The following ZNF365 variants were observed in gnomAD, a reference collection of about 807,000 sequenced individuals.
ZNF365 encodes the protein zinc finger protein 365.
A neutral mutation model predicts 35.0 loss-of-function variants in ZNF365; 22 were observed. The ratio of observed to expected loss-of-function variants is 0.63; its 90% CI spans 0.45 to 0.90. The LOEUF (loss-of-function observed/expected upper bound fraction) is 0.90, where lower values mean the gene tolerates loss of function less well. Ranked by LOEUF, ZNF365 falls within the 40% of genes least tolerant of loss-of-function variation. ZNF365 has a pLI of 0.00. For synonymous variants in ZNF365, 188 were observed against 196.2 expected (o/e 0.96, Z 0.35); for missense variants, 448 against 500.3 (o/e 0.90, Z 1.00).
chr10:62,455,637 A>C (rs1840750226), intron 3 of ZNF365, among the ~76,000 whole-genome samples: 1 of 152,000 alleles, frequency 6.6e-6, no homozygotes, highest in Admixed American at 6.5e-5. Context: ...TATTTAAACT[A>C]TGTGCATATG....
intron 4 of ZNF365, among the ~76,000 whole-genome samples, chr10:62,477,843 A>G (rs975167600): frequency 6.6e-6 from 1 of 152,220 alleles, no homozygotes; most frequent in Non-Finnish European, 1.5e-5. Flanking sequence ...TTCATTGGCC[A>G]AGGTACGTCA....
intron 3 of ZNF365, among the ~76,000 whole-genome samples, chr10:62,391,834 C>T (rs575060253): frequency 6.6e-6 from 1 of 152,330 alleles, no homozygotes; most frequent in South Asian, 2.1e-4. Context: ...CACTGTTTTC[C>T]ATAGTGGTTG....
chr10:62,453,778 C>T (rs1840721900), intron 3 of ZNF365, among the ~76,000 whole-genome samples: 1 of 151,986 alleles, frequency 6.6e-6, no homozygotes, highest in South Asian at 2.1e-4. Flanking sequence ...AGTATGTAGC[C>T]ATAAAGATGT....
intron 4 of ZNF365, among the ~76,000 whole-genome samples, chr10:62,477,314 A>G (rs997784866): frequency 7.9e-5 from 12 of 152,184 alleles, no homozygotes; most frequent in African/African-American, 2.9e-4. Flanking sequence ...TTGGAACACT[A>G]AAGATAAAAC....
At chr10:62,381,644 T>C (rs779917080) in intron 2 of ZNF365, among the ~76,000 whole-genome samples, 7 of 152,170 alleles carry the variant, frequency 4.6e-5, no homozygotes, top group Non-Finnish European at 8.8e-5. Context: ...ATCTGAGGTG[T>C]TGGGAGGCAG....
chr10:62,469,651 T>C (rs1841001304), intron 4 of ZNF365, among the ~76,000 whole-genome samples: 1 of 152,178 alleles, frequency 6.6e-6, no homozygotes, highest in East Asian at 1.9e-4. Context: ...CAACATATTG[T>C]TTTGTAAACT....
intron 3 of ZNF365, among the ~76,000 whole-genome samples, chr10:62,453,234 A>G (rs1840711287): frequency 6.6e-6 from 1 of 152,218 alleles, no homozygotes; most frequent in African/African-American, 2.4e-5. Context: ...CCATCACCAA[A>G]TAACGCACAT....
rs1589463696 is a variant in ZNF365, at chr10:62,456,105, T to A, written c.925-3636T>A. On this transcript the variant is annotated intron_variant, in intron 3 of 4. Transcript: ENST00000395255. The stretch of plus-strand genomic sequence containing the variant: ...TAGTACAGTAGCCACTAGCCACATG[T>A]AGCTAGCTGTTGAGCACTACAAATG... Among the ~76,000 whole-genome samples, 4 of 152,220 alleles carry A rather than the reference T, an allele frequency of 2.6e-5. No homozygotes were observed. The East Asian group carries it at 7.7e-4, about 29-fold the overall frequency.
intron 3 of ZNF365, among the ~76,000 whole-genome samples, chr10:62,445,877 A>G: frequency 6.6e-6 from 1 of 152,144 alleles, no homozygotes; most frequent in Non-Finnish European, 1.5e-5. Flanking sequence ...TGTGTAAACA[A>G]TTGGAACGAG....
At chr10:62,455,136 C>T (rs7903540) in intron 3 of ZNF365, among the ~76,000 whole-genome samples, 5,201 of 152,176 alleles carry the variant, frequency 0.034, 295 homozygotes, top group African/African-American at 0.11. Flanking sequence ...GACAGAAAAA[C>T]GCTGACAGGT....
chr10:62,403,197 A>T (rs10821991), downstream of ZNF365, among the ~76,000 whole-genome samples: 1 of 152,018 alleles, frequency 6.6e-6, no homozygotes, highest in Admixed American at 6.5e-5. Flanking sequence ...AGAAAAGGAC[A>T]TGTTAGTAAG....
At chr10:62,478,491 A>T (rs1425578022) in intron 4 of ZNF365, among the ~76,000 whole-genome samples, 3 of 152,184 alleles carry the variant, frequency 2.0e-5, no homozygotes, top group African/African-American at 7.2e-5. Flanking sequence ...ATAGAACATG[A>T]TCTCCTTGGG....
chr10:62,446,993 C>T (rs1336414745), intron 3 of ZNF365, among the ~76,000 whole-genome samples: 1 of 152,144 alleles, frequency 6.6e-6, no homozygotes, highest in African/African-American at 2.4e-5. Flanking sequence ...CTTCATTTAG[C>T]AAACCTGACC....
intron 4 of ZNF365, among the ~76,000 whole-genome samples, chr10:62,472,147 G>T (rs1841051995): frequency 6.6e-6 from 1 of 152,138 alleles, no homozygotes; most frequent in African/African-American, 2.4e-5. Context: ...TTTTCCAAGT[G>T]GTGCCCTTCA....
At position 62,438,303 on chromosome 10, in the gene ZNF365, C is replaced by T. The variant is rs149235411; in HGVS notation, c.925-21438C>T. 2.6e-3 allele frequency among the ~76,000 whole-genome samples: 397 copies of T among 152,056 alleles called. 1 individual carries two copies. Among genetic ancestry groups the T allele is most frequent in the African/African-American group, 9.1e-3 (379 of 41,464 alleles). On this transcript the variant is annotated intron_variant, in intron 3 of 4. Coordinates refer to the ZNF365 transcript ENST00000395255. ...TCCCAGGCTCAAGCGATTCTCGTGC[C>T]TCAGCCTCCCTGGTAGCTGGGATTA...
At position 62,399,813 on chromosome 10, in the gene ZNF365, T is replaced by C. The variant is rs41307502; in HGVS notation, c.*24T>C. 14,990 of 1,596,674 alleles carry C rather than the reference T, an allele frequency of 9.4e-3. 86 individuals are homozygous for C. Among genetic ancestry groups the C allele is most frequent in the Non-Finnish European group, 0.011 (12,464 of 1,169,740 alleles). On this transcript the variant is annotated 3_prime_UTR_variant, in exon 5 of 5. Coordinates refer to ENST00000395254, the MANE Select transcript of ZNF365 (RefSeq NM_014951.3). ...AAAAGGGTGGGTGGTGCTGGACCAA[T>C]CATCGCTGGGCTTTGGGGAACGTTG...
chr10:62,388,022 C>T (rs1216542617), intron 2 of ZNF365, among the ~76,000 whole-genome samples: 2 of 152,310 alleles, frequency 1.3e-5, no homozygotes, highest in South Asian at 4.1e-4. Flanking sequence ...TCCTAAACAC[C>T]TGCATGGCTT....
At chr10:62,374,773 G>A (rs1839286562) in intron 1 of ZNF365, among the ~76,000 whole-genome samples, 1 of 152,168 alleles carries the variant, frequency 6.6e-6, no homozygotes, top group South Asian at 2.1e-4. Context: ...GCCCATAAAA[G>A]CCTGCGTGCT....
At chr10:62,461,573 C>T (rs958236244) in intron 4 of ZNF365, among the ~76,000 whole-genome samples, 3 of 152,200 alleles carry the variant, frequency 2.0e-5, no homozygotes, top group Non-Finnish European at 4.4e-5. Flanking sequence ...TCCCATCCCC[C>T]TCCCATTCCA....
Sources: allele counts gnomAD v4.1 joint callset (sites outside exome capture counted in the v4.1 genomes callset), GRCh38; gene constraint gnomAD v4.1.1; transcripts MANE v1.5; gene names NCBI Gene and HGNC (gene_info 2026-07-23, HGNC 2026-07-21).